DPYSL5: variants seen among roughly 807,000 people sequenced by gnomAD.
The protein encoded by DPYSL5 is dihydropyrimidinase like 5.
Under a neutral mutation model 58.4 loss-of-function variants are expected in DPYSL5, and 9 were observed. The observed-to-expected ratio is 0.15, with a 90% CI of 0.09 to 0.27. The LOEUF is 0.27. Among genes scored for constraint, DPYSL5 ranks in the 10% least tolerant of loss-of-function variants. The probability of loss-of-function intolerance (pLI) is 1.00; values close to 1 mark genes in which losing one functional copy is unlikely to be tolerated. For missense variants in DPYSL5, 499 were observed against 770.6 expected, an observed-to-expected ratio of 0.65 and a Z score of 4.17; for synonymous variants, 293 against 301.9, an observed-to-expected ratio of 0.97 and a Z score of 0.31.
chr2:26,931,203 GTATATATA>G (rs373034710), intron 5 of DPYSL5, among the ~76,000 whole-genome samples: 4 of 44,936 alleles, frequency 8.9e-5, no homozygotes, highest in African/African-American at 2.4e-4. Flanking sequence ...GTGTGTGTGT[GTATATATA>G]TATATATATA....
intron 1 of DPYSL5, among the ~76,000 whole-genome samples, chr2:26,893,725 C>T (rs1169641462): frequency 6.6e-6 from 1 of 151,980 alleles, no homozygotes; most frequent in African/African-American, 2.4e-5. Context: ...TTTGAGGACC[C>T]TACTCCATAG....
In DPYSL5 at chr2:26,912,915, A is replaced by T. The variant is rs926304826; in HGVS notation, c.262-11972A>T. ...TTCTCCATTCTTTGAGGAATCTTGG[A>T]GCTGGGGAGCCCCTCCGTCAGGCCA... On this transcript the variant is annotated intron_variant, in intron 2 of 12. Transcript: ENST00000288699. Among the ~76,000 whole-genome samples, 3 of 152,222 alleles carry T rather than the reference A, an allele frequency of 2.0e-5. No homozygotes were observed. The South Asian group carries it at 6.2e-4, about 32-fold the overall frequency.
intron 1 of DPYSL5, among the ~76,000 whole-genome samples, chr2:26,871,191 C>T (rs1395177751): frequency 6.6e-6 from 1 of 152,036 alleles, no homozygotes; most frequent in Non-Finnish European, 1.5e-5. Context: ...CAGAGCTTAA[C>T]CTATTCACTC....
Position 26,924,341 on chromosome 2 carries a change from C to T in DPYSL5, c.262-546C>T, listed in dbSNP as rs181755586. On this transcript the variant is annotated intron_variant, in intron 2 of 12. Coordinates refer to ENST00000288699, the MANE Select transcript of DPYSL5 (RefSeq NM_020134.4). The surrounding 1 kb of genome is among the most constrained non-coding windows in gnomAD (Gnocchi z 4.7). ...TGAAGATGCGTGCAAAATGTTTGAA[C>T]AAAATTGCTTCATGAAATTTGAGAG... Among the ~76,000 whole-genome samples the T allele has an allele frequency of 1.8e-4, 27 of 152,236 alleles. No individual in the cohort carries two copies. Among genetic ancestry groups the T allele is most frequent in the African/African-American group, 5.3e-4 (22 of 41,542 alleles).
chr2:26,859,986 A>G (rs1665969932), intron 1 of DPYSL5, among the ~76,000 whole-genome samples: 1 of 152,138 alleles, frequency 6.6e-6, no homozygotes, highest in Non-Finnish European at 1.5e-5. Flanking sequence ...TGGGAGAGAA[A>G]TGGGGTTGGA....
Position 26,944,953 on chromosome 2 carries a change from T to C in DPYSL5, c.1609+129T>C. ...CCCGTTGCCTATTTCCAGGGATGAG[T>C]GCTGGTTTGGATATTAGACTCACAT... On this transcript the variant is annotated intron_variant, in intron 12 of 12. Transcript: ENST00000288699. This position sits in a 1 kb window ranked among gnomAD's most constrained non-coding sequence, Gnocchi z 4.4. 3 of 908,838 alleles carry C rather than the reference T, an allele frequency of 3.3e-6. No homozygotes were observed. The highest frequency in any genetic ancestry group is 5.0e-6 in the Non-Finnish European group (3 of 605,962). The allele number at this position is 908,838 out of a possible 1,614,324, so 56.3% of individuals were successfully genotyped here.
intron 1 of DPYSL5, among the ~76,000 whole-genome samples, chr2:26,870,532 G>T (rs1374769469): frequency 6.6e-6 from 1 of 151,984 alleles, no homozygotes; most frequent in East Asian, 1.9e-4. Flanking sequence ...CCATTATTAG[G>T]CTTTGATATT....
chr2:26,904,432 C>A (rs576435071), intron 2 of DPYSL5, among the ~76,000 whole-genome samples: 2 of 152,328 alleles, frequency 1.3e-5, no homozygotes, highest in South Asian at 2.1e-4. Context: ...GCCAAAATTT[C>A]TTTCCCGTCT....
rs1664071263 is a variant in DPYSL5, at chr2:26,898,477, C to T, written c.-4-19C>T. 3 of 1,609,892 alleles carry T rather than the reference C, an allele frequency of 1.9e-6. No homozygotes were observed. Among genetic ancestry groups the T allele is most frequent in the Non-Finnish European group, 2.5e-6 (3 of 1,176,966 alleles). On this transcript the variant is annotated intron_variant, in intron 1 of 12. Transcript: ENST00000288699. This position sits in a 1 kb window ranked among gnomAD's most constrained non-coding sequence, Gnocchi z 6.1. ...AGTGAGAAGGGACTTTGACCTTGAC[C>T]ATGCTCACCTTCTTGTAGGAACATG...
At chr2:26,852,563 A>G (rs908793894) in intron 1 of DPYSL5, among the ~76,000 whole-genome samples, 8 of 152,142 alleles carry the variant, frequency 5.3e-5, no homozygotes, top group Non-Finnish European at 1.5e-5. Flanking sequence ...ACTCCCATCA[A>G]TCACAGCCCT....
At chr2:26,867,980 A>G (rs1461355150) in intron 1 of DPYSL5, among the ~76,000 whole-genome samples, 3 of 152,078 alleles carry the variant, frequency 2.0e-5, no homozygotes, top group Non-Finnish European at 2.9e-5. Flanking sequence ...ACCACTCCCA[A>G]TTTGCACCCC....
In DPYSL5 at chr2:26,933,193, T is replaced by G; in HGVS notation, c.715-65T>G. The G allele has an allele frequency of 6.7e-7, 1 of 1,498,502 alleles. No homozygotes were observed. The highest frequency in any genetic ancestry group is 9.3e-7 in the Non-Finnish European group (1 of 1,075,110). The allele number at this position is 1,498,502 out of a possible 1,614,324, so 92.8% of individuals were successfully genotyped here. A position where few individuals can be genotyped will look rare whatever the true frequency, so the allele number is the denominator to read the frequency against. ...GGTGCCAGGGCTGACTTTGCCAGGG[T>G]TATTCTGATGCTTGTGAAGTTTATG... On this transcript the variant is annotated intron_variant, in intron 6 of 12. Transcript: ENST00000288699. This position sits in a 1 kb window ranked among gnomAD's most constrained non-coding sequence, Gnocchi z 4.2.
intron 1 of DPYSL5, among the ~76,000 whole-genome samples, chr2:26,850,995 C>A (rs1334995314): frequency 6.6e-6 from 1 of 150,626 alleles, no homozygotes; most frequent in Non-Finnish European, 1.5e-5. Flanking sequence ...TATATATACA[C>A]ATACTATATT....
At chr2:26,868,105 A>C (rs1442271002) in intron 1 of DPYSL5, among the ~76,000 whole-genome samples, 1 of 152,176 alleles carries the variant, frequency 6.6e-6, no homozygotes, top group Non-Finnish European at 1.5e-5. Flanking sequence ...TGACTACTGC[A>C]GAGGCTGAAC....
intron 2 of DPYSL5, among the ~76,000 whole-genome samples, chr2:26,902,571 G>A (rs1558338584): frequency 6.6e-6 from 1 of 152,066 alleles, no homozygotes; most frequent in Non-Finnish European, 1.5e-5. Flanking sequence ...TTTAAGGACC[G>A]CTGTCTAGGC....
chr2:26,911,899 G>A (rs1273037232), intron 2 of DPYSL5, among the ~76,000 whole-genome samples: 2 of 152,222 alleles, frequency 1.3e-5, no homozygotes, highest in Non-Finnish European at 2.9e-5. Context: ...CAAAGCCCTA[G>A]ACTTAGTGGC....
At chr2:26,931,137 T>TAAAAAAAA (rs61652873) in intron 5 of DPYSL5, among the ~76,000 whole-genome samples, 1 of 49,518 alleles carries the variant, frequency 2.0e-5, no homozygotes, top group African/African-American at 6.3e-5. Flanking sequence ...AGACCCTATC[T>TAAAAAAAA]AAAAAAAAAA....
intron 2 of DPYSL5, among the ~76,000 whole-genome samples, chr2:26,914,418 T>C (rs1000619638): frequency 6.6e-6 from 1 of 152,214 alleles, no homozygotes; most frequent in Non-Finnish European, 1.5e-5. Flanking sequence ...CATCTTTCCC[T>C]GGGGGGTCCT....
chr2:26,936,281 C>T (rs1418573950), intron 8 of DPYSL5, among the ~76,000 whole-genome samples: 1 of 152,088 alleles, frequency 6.6e-6, no homozygotes, highest in African/African-American at 2.4e-5. Context: ...TGGAGGGAAG[C>T]GACTGGCCCC....
Sources: allele counts gnomAD v4.1 joint callset (sites outside exome capture counted in the v4.1 genomes callset), GRCh38; gene constraint gnomAD v4.1.1; non-coding constraint Gnocchi (gnomAD v3.1); transcripts MANE v1.5; gene names NCBI Gene and HGNC (gene_info 2026-07-23, HGNC 2026-07-21).